Variants in SH3PXD2B observed in about 807,000 individuals in gnomAD.
SH3PXD2B encodes the protein SH3 and PX domains 2B.
Under a neutral mutation model 73.1 loss-of-function variants are expected in SH3PXD2B, and 37 were observed. That is an observed-to-expected ratio of 0.51 (90% CI 0.39 to 0.67). The LOEUF is 0.67. Among genes scored for constraint, SH3PXD2B ranks in the 30% least tolerant of loss-of-function variants. The pLI, the probability that SH3PXD2B is intolerant of heterozygous loss-of-function variation, is 0.00. For synonymous variants in SH3PXD2B, 457 were observed against 480.5 expected, an observed-to-expected ratio of 0.95 and a Z score of 0.64; for missense variants, 1,053 against 1,197.8, an observed-to-expected ratio of 0.88 and a Z score of 1.78.
At chr5:172,451,577 T>C (rs1330778858) in intron 1 of SH3PXD2B, among the ~76,000 whole-genome samples, 1 of 152,184 alleles carries the variant, frequency 6.6e-6, no homozygotes, top group Non-Finnish European at 1.5e-5. Flanking sequence ...CCTTGAGGGA[T>C]GTAGCAGTAT....
chr5:172,414,456 T>TAAA (rs1007937801), intron 2 of SH3PXD2B, among the ~76,000 whole-genome samples: 19 of 77,552 alleles, frequency 2.4e-4, no homozygotes, highest in African/African-American at 7.9e-4. Flanking sequence ...GACTCCATCT[T>TAAA]AAAAAAAAAA....
Position 172,432,924 on chromosome 5 carries a change from AAGG to A in SH3PXD2B, c.76-10431_76-10429del, listed in dbSNP as rs1199240845. Among the ~76,000 whole-genome samples, 131 of 18,638 alleles carry A rather than the reference AAGG, an allele frequency of 7.0e-3. 1 individual carries two copies. Among genetic ancestry groups the A allele is most frequent in the African/African-American group, 0.016 (118 of 7,414 alleles). The allele number at this position is 18,638 out of a possible 152,430, so 12.2% of individuals were successfully genotyped here. A position where few individuals can be genotyped will look rare whatever the true frequency, so the allele number is the denominator to read the frequency against. On this transcript the variant is annotated intron_variant, in intron 1 of 12. Transcript: ENST00000311601. ...GAAACTCTGTCTGTCTCAAAAAAAA[AAGG>A]GGGGGGGGGGGGAAGAATTGACTGT...
downstream of SH3PXD2B, among the ~76,000 whole-genome samples, chr5:172,329,083 A>ATATATATTTTTTTTT (rs58472514): frequency 1.6e-5 from 1 of 61,818 alleles, no homozygotes; most frequent in Non-Finnish European, 2.7e-5. Context: ...ATATATATAT[A>ATATATATTTTTTTTT]TTTTTTTTTT....
chr5:172,450,336 G>A (rs1480228546), intron 1 of SH3PXD2B, among the ~76,000 whole-genome samples: 6 of 152,000 alleles, frequency 3.9e-5, no homozygotes, highest in South Asian at 4.2e-4. Context: ...CGGGGAGGGC[G>A]TCCGGGGGGT....
chr5:172,360,422 G>A (rs899043247), intron 7 of SH3PXD2B, among the ~76,000 whole-genome samples: 1 of 152,116 alleles, frequency 6.6e-6, no homozygotes, highest in South Asian at 2.1e-4. Context: ...AAACCAAGGC[G>A]GTCTCTGAGC....
intron 5 of SH3PXD2B, among the ~76,000 whole-genome samples, chr5:172,375,810 T>A (rs1757809303): frequency 1.3e-5 from 2 of 152,228 alleles, no homozygotes; most frequent in Non-Finnish European, 2.9e-5. Context: ...AATGTTTCTG[T>A]GAACATCTGT....
chr5:172,397,246 G>C (rs1379493786), intron 3 of SH3PXD2B, among the ~76,000 whole-genome samples: 1 of 152,176 alleles, frequency 6.6e-6, no homozygotes, highest in Non-Finnish European at 1.5e-5. Flanking sequence ...TTAGGATGAG[G>C]AAATTCCCGC....
chr5:172,339,770 G>A lies in SH3PXD2B; in HGVS notation c.1335C>T (p.Thr445=). 1 of 1,613,198 alleles carries A rather than the reference G, an allele frequency of 6.2e-7. No homozygotes were observed. Among genetic ancestry groups the A allele is most frequent in the South Asian group, 1.1e-5 (1 of 91,068 alleles). Reference sequence around the variant, plus strand: ...CTGCTGCTTCCCCCAGCCGGAGCTGGGTCACCTCGTGGGGCAGGGGAGCCA... The same window carrying A: ...CTGCTGCTTCCCCCAGCCGGAGCTGAGTCACCTCGTGGGGCAGGGGAGCCA... ...NFLAPLPHEV[T]QLRLGEAAAL... is the part of the protein sequence containing the mutation. Residue 445 remains threonine, a synonymous_variant, in exon 13 of 13, where the codon ACC becomes ACT. Coordinates refer to ENST00000311601, the MANE Select transcript of SH3PXD2B (RefSeq NM_001017995.3). This position sits in a 1 kb window ranked among gnomAD's most constrained non-coding sequence, Gnocchi z 6.1.
intron 5 of SH3PXD2B, among the ~76,000 whole-genome samples, chr5:172,376,425 T>A (rs1370940606): frequency 1.3e-5 from 2 of 152,244 alleles, no homozygotes; most frequent in Non-Finnish European, 2.9e-5. Context: ...TGGATAATGA[T>A]GCCAGGATCT....
chr5:172,397,255 G>C (rs565248804), intron 3 of SH3PXD2B, among the ~76,000 whole-genome samples: 134 of 152,196 alleles, frequency 8.8e-4, no homozygotes, highest in African/African-American at 3.1e-3. Context: ...GGAAATTCCC[G>C]CCTAATAAAT....
chr5:172,407,587 A>G (rs1758591903), intron 2 of SH3PXD2B, among the ~76,000 whole-genome samples: 1 of 152,240 alleles, frequency 6.6e-6, no homozygotes, highest in South Asian at 2.1e-4. Context: ...GTGAGGGAGA[A>G]AGTCCCAAGC....
chr5:172,330,165 T>C (rs10475576), downstream of SH3PXD2B, among the ~76,000 whole-genome samples: 5,665 of 152,310 alleles, frequency 0.037, 280 homozygotes, highest in African/African-American at 0.12. Context: ...TTCCTTTGAA[T>C]GTCATGCCAT....
chr5:172,411,223 A>G (rs1044907839), intron 2 of SH3PXD2B, among the ~76,000 whole-genome samples: 2 of 151,674 alleles, frequency 1.3e-5, no homozygotes, highest in Non-Finnish European at 2.9e-5. Flanking sequence ...TTTTTTAAAG[A>G]ATGCACCAGT....
intron 4 of SH3PXD2B, among the ~76,000 whole-genome samples, chr5:172,384,020 A>G (rs1355140123): frequency 6.6e-6 from 1 of 151,530 alleles, no homozygotes; most frequent in Non-Finnish European, 1.5e-5. Flanking sequence ...CTAATTTTTT[A>G]TATTTTAGTA....
rs1475291587 is a variant in SH3PXD2B, at chr5:172,334,204, A to T, written c.*4165T>A. On this transcript the variant is annotated 3_prime_UTR_variant, in exon 13 of 13. Transcript: ENST00000311601. Reference sequence around the variant, plus strand: ...TTGGCAGAATAGCACCAGAAACCAGATGCCACCCCACGGAGCTGGGCAGTC... The same window carrying T: ...TTGGCAGAATAGCACCAGAAACCAGTTGCCACCCCACGGAGCTGGGCAGTC... 2 of 1,095,166 alleles carry T rather than the reference A, an allele frequency of 1.8e-6. No homozygotes were observed. Among genetic ancestry groups the T allele is most frequent in the East Asian group, 2.0e-4 (2 of 10,254 alleles). 67.8% of individuals were successfully genotyped at this position (1,095,166 alleles called of 1,614,324 possible).
intron 3 of SH3PXD2B, among the ~76,000 whole-genome samples, chr5:172,395,943 T>A (rs1460164301): frequency 1.3e-5 from 2 of 151,714 alleles, no homozygotes; most frequent in Non-Finnish European, 2.9e-5. Context: ...AAAGAGGAAT[T>A]TGGGTCAAGA....
At position 172,334,040 on chromosome 5, in the gene SH3PXD2B, T is replaced by C. The variant is rs1756629339; in HGVS notation, c.*4329A>G. The C allele has an allele frequency of 8.5e-7, 1 of 1,170,996 alleles. No individual in the cohort carries two copies. The highest frequency in any genetic ancestry group is 1.7e-5 in the South Asian group (1 of 59,368). The allele number at this position is 1,170,996 out of a possible 1,614,324, so 72.5% of individuals were successfully genotyped here. A position where few individuals can be genotyped will look rare whatever the true frequency, so the allele number is the denominator to read the frequency against. The stretch of plus-strand genomic sequence containing the variant: ...ACATCTAAAAGTGAAGGCTACCGAC[T>C]GTGGCACTGCGTTTGGCCTCTTTGA... On this transcript the variant is annotated 3_prime_UTR_variant, in exon 13 of 13. Coordinates refer to ENST00000311601, the MANE Select transcript of SH3PXD2B (RefSeq NM_001017995.3).
rs150961242 is a variant in SH3PXD2B at position 172,337,580 on chromosome 5, A to T, written c.*789T>A. On this transcript the variant is annotated 3_prime_UTR_variant, in exon 13 of 13. Transcript: ENST00000311601. ...AAACTTTGAGATTCTTGCTTTAGGTAGGCAAAAATGAAATGCTCCAAGTTG... is the reference window on the plus strand; with the variant it reads ...AAACTTTGAGATTCTTGCTTTAGGTTGGCAAAAATGAAATGCTCCAAGTTG... The T allele has an allele frequency of 2.7e-3, 2,632 of 985,590 alleles. 3 individuals carry two copies. The highest frequency in any genetic ancestry group is 3.0e-3 in the Non-Finnish European group (2,529 of 830,030). The allele number at this position is 985,590 out of a possible 1,614,324, so 61.1% of individuals were successfully genotyped here.
At chr5:172,369,077 T>C (rs2113343656) in intron 6 of SH3PXD2B, among the ~76,000 whole-genome samples, 1 of 150,836 alleles carries the variant, frequency 6.6e-6, no homozygotes, top group South Asian at 2.1e-4. Context: ...GTATTTTTAG[T>C]AGAGACAGGG....
Sources: gnomAD v4.1 joint callset for allele counts (sites outside exome capture counted in the v4.1 genomes callset) on GRCh38, gnomAD v4.1.1 for gene constraint, Gnocchi (gnomAD v3.1) non-coding constraint, MANE v1.5 for transcripts, NCBI Gene and HGNC (gene_info 2026-07-23, HGNC 2026-07-21) for gene names.